The following MYSM1 variants were observed in gnomAD, a reference collection of about 807,000 sequenced individuals.
MYSM1 encodes deubiquitinase MYSM1.
A neutral mutation model predicts 116.0 loss-of-function variants in MYSM1; 51 were observed. That is an observed-to-expected ratio of 0.44 (90% CI 0.35 to 0.56). The LOEUF is 0.56. Ranked by LOEUF, MYSM1 falls within the 20% of genes least tolerant of loss-of-function variation. The pLI, the probability that MYSM1 is intolerant of heterozygous loss-of-function variation, is 0.00. For missense variants in MYSM1, 900 were observed against 974.9 expected, an observed-to-expected ratio of 0.92 and a Z score of 1.02; for synonymous variants, 313 against 315.2, an observed-to-expected ratio of 0.99 and a Z score of 0.07.
chr1:58,685,341 TAA>T, intron 6 of MYSM1, 90 bp from the exon 7 acceptor site: 1 of 690,996 alleles, frequency 1.4e-6, no homozygotes, highest in South Asian at 2.2e-5. Flanking sequence ...AAAAAAAACT[TAA>T]AAAAAAATAC....
At chr1:58,698,321 C>T (rs889588907) in intron 1 of MYSM1, among the ~76,000 whole-genome samples, 3 of 149,956 alleles carry the variant, frequency 2.0e-5, no homozygotes, top group African/African-American at 7.4e-5. Flanking sequence ...AGGATGGTCT[C>T]GATCTCCTGA....
At chr1:58,671,079 G>C (rs1644553480) in intron 12 of MYSM1, among the ~76,000 whole-genome samples, 1 of 152,026 alleles carries the variant, frequency 6.6e-6, no homozygotes, top group Non-Finnish European at 1.5e-5. Context: ...AATGATTAGG[G>C]GTATGAACTC....
chr1:58,674,663 C>A (rs142567804), intron 10 of MYSM1, among the ~76,000 whole-genome samples: 1 of 151,978 alleles, frequency 6.6e-6, no homozygotes, highest in Non-Finnish European at 1.5e-5. Flanking sequence ...CGGTGGCTCA[C>A]GCCTGTAATC....
At chr1:58,673,880 C>G (rs1047557671) in intron 10 of MYSM1, among the ~76,000 whole-genome samples, 10 of 152,102 alleles carry the variant, frequency 6.6e-5, no homozygotes, top group African/African-American at 2.2e-4. Context: ...GGCAGGAGCA[C>G]CAGTAGCAGG....
chr1:58,689,132 G>A lies in MYSM1; in HGVS notation c.321-16C>T. 2 of 1,577,688 alleles carry A rather than the reference G, an allele frequency of 1.3e-6. No homozygotes were observed. The highest frequency in any genetic ancestry group is 1.2e-5 in the South Asian group (1 of 84,580). ...AGAGTGTACCCTGAGGGGAAAAAAA[G>A]GAATTGCAAAAAAAATTTCTGAAAT... On this transcript the variant is annotated splice_polypyrimidine_tract_variant and intron_variant, in intron 5 of 19. Transcript: ENST00000472487.
chr1:58,676,860 A>G, intron 9 of MYSM1, 66 bp downstream of exon 9: 2 of 1,528,760 alleles, frequency 1.3e-6, no homozygotes, highest in Non-Finnish European at 1.8e-6. Context: ...ACCATCATAG[A>G]AATGAATAAG....
At chr1:58,680,075 A>G (rs892811490) in intron 8 of MYSM1, among the ~76,000 whole-genome samples, 1 of 151,566 alleles carries the variant, frequency 6.6e-6, no homozygotes, top group East Asian at 1.9e-4. Context: ...CTCCTGACCA[A>G]TATGGACATT....
At chr1:58,679,474 T>C (rs1644705014) in intron 8 of MYSM1, among the ~76,000 whole-genome samples, 1 of 152,192 alleles carries the variant, frequency 6.6e-6, no homozygotes, top group Non-Finnish European at 1.5e-5. Flanking sequence ...TGGACATTTT[T>C]AAGAGACAGG....
intron 8 of MYSM1, among the ~76,000 whole-genome samples, chr1:58,677,808 A>G (rs545011401): frequency 2.0e-5 from 3 of 152,222 alleles, no homozygotes; most frequent in East Asian, 3.9e-4. Context: ...ACAACTATAC[A>G]AGGTAGATTT....
At chr1:58,666,015 C>T (rs1398801618) in intron 16 of MYSM1, among the ~76,000 whole-genome samples, 1 of 152,024 alleles carries the variant, frequency 6.6e-6, no homozygotes, top group Non-Finnish European at 1.5e-5. Flanking sequence ...CGAGATCCCA[C>T]CACTGCACTC....
chr1:58,674,644 G>A (rs184953232), intron 10 of MYSM1, among the ~76,000 whole-genome samples: 26 of 151,974 alleles, frequency 1.7e-4, no homozygotes, highest in Non-Finnish European at 3.5e-4. Context: ...GTGTTGGATC[G>A]GCTGCACACG....
At chr1:58,670,212 T>C (rs1354799721) in intron 12 of MYSM1, among the ~76,000 whole-genome samples, 1 of 152,056 alleles carries the variant, frequency 6.6e-6, no homozygotes, top group Non-Finnish European at 1.5e-5. Flanking sequence ...ACCTTTAAAT[T>C]AGAAAGTGTT....
At position 58,685,202 on chromosome 1, in the gene MYSM1, C is replaced by A. The variant is rs747254276; in HGVS notation, c.449G>T (p.Arg150Leu). Residue 150 changes from arginine to leucine, a missense_variant, in exon 7 of 20, where the codon CGC becomes CTC. Around this residue, in one of 3 missense-constraint regions of MYSM1, gnomAD observed 622 missense variants for 623.7 expected, o/e 1.00. Transcript: ENST00000472487. ...WTKISKLIGSRTVLQVKSYAR... is the reference protein window; with the variant it reads ...WTKISKLIGSLTVLQVKSYAR... ...ATAACTCTTCACTTGTAAAACAGTG[C>A]GGCTTCCAATTAGCTTTGAAATTTT... The A allele has an allele frequency of 6.2e-7, 1 of 1,608,012 alleles. No homozygotes were observed. Among genetic ancestry groups the A allele is most frequent in the East Asian group, 2.2e-5 (1 of 44,612 alleles).
chr1:58,663,286 TA>T (rs1208029126), intron 17 of MYSM1, among the ~76,000 whole-genome samples: 2 of 150,310 alleles, frequency 1.3e-5, no homozygotes, highest in Non-Finnish European at 3.0e-5. Flanking sequence ...TTTTTAAGAA[TA>T]TTTTTTAAGT....
rs1644755792 is a variant in MYSM1 at position 58,682,185 on chromosome 1, C to T, written c.859G>A (p.Glu287Lys). ...RGCLQNEKQD[E>K]TLSSSEITLW... ...GTAATTTCTGAGCTTGAAAGTGTTT[C>T]ATCTTGCTTTTCATTTTGAAGACAG... Residue 287 changes from glutamate (E) to lysine (K), a missense_variant, in exon 8 of 20, where the codon GAA becomes AAA. This residue lies in a region of MYSM1 where 622 missense variants were observed against 623.7 expected (regional missense o/e 1.00). Transcript: ENST00000472487. The T allele has an allele frequency of 1.2e-6, 2 of 1,612,790 alleles. No homozygotes were observed. The highest frequency in any genetic ancestry group is 2.2e-5 in the East Asian group (1 of 44,842).
chr1:58,676,849 AACC>A (rs1213036922), intron 9 of MYSM1, 74 bp downstream of exon 9: 47 of 1,473,338 alleles, frequency 3.2e-5, no homozygotes, highest in Non-Finnish European at 4.2e-5. Context: ...CTTGAATTCT[AACC>A]ATCATAGAAA....
chr1:58,681,220 C>T (rs931014690), intron 8 of MYSM1, among the ~76,000 whole-genome samples: 10 of 152,094 alleles, frequency 6.6e-5, no homozygotes, highest in South Asian at 2.1e-4. Flanking sequence ...GGGTTTGTTC[C>T]CTAAGCTTCA....
chr1:58,667,256 A>G, intron 15 of MYSM1, 30 bp from the exon 16 acceptor site: 1 of 1,409,100 alleles, frequency 7.1e-7, no homozygotes, highest in Non-Finnish European at 9.4e-7. Flanking sequence ...AAATGATTAT[A>G]CTAAAATCCT....
At chr1:58,696,759 GCA>G (rs1375241571) in intron 1 of MYSM1, among the ~76,000 whole-genome samples, 4 of 152,196 alleles carry the variant, frequency 2.6e-5, no homozygotes, top group Middle Eastern at 3.2e-3. Flanking sequence ...TTCTATGAGA[GCA>G]CAGACTTGGT....
Sources: allele counts gnomAD v4.1 joint callset (sites outside exome capture counted in the v4.1 genomes callset), GRCh38; gene constraint gnomAD v4.1.1; regional missense constraint gnomAD v4.1.1; transcripts MANE v1.5; gene names NCBI Gene and HGNC (gene_info 2026-07-23, HGNC 2026-07-21).